TRPC3: variants seen among roughly 807,000 people sequenced by gnomAD.
The protein encoded by TRPC3 is transient receptor potential cation channel subfamily C member 3.
Under a neutral mutation model 90.9 loss-of-function variants are expected in TRPC3, and 54 were observed. That is an observed-to-expected ratio of 0.59 (90% CI 0.48 to 0.75). The LOEUF (loss-of-function observed/expected upper bound fraction) is 0.75. Among genes scored for constraint, TRPC3 ranks in the 30% least tolerant of loss-of-function variants. The pLI is 0.00. For synonymous variants in TRPC3, 424 were observed against 450.9 expected (o/e 0.94, Z 0.75); for missense variants, 918 against 1,194.5 (o/e 0.77, Z 3.41).
chr4:121,911,778 C>T, intron 5 of TRPC3, 99 bp downstream of exon 5: 1 of 1,194,436 alleles, frequency 8.4e-7, no homozygotes, highest in Non-Finnish European at 1.2e-6. Context: ...ATGTTGTCAC[C>T]ATATAAGATA....
chr4:121,901,945 T>C (rs1291756493), intron 9 of TRPC3, among the ~76,000 whole-genome samples: 3 of 152,208 alleles, frequency 2.0e-5, no homozygotes, highest in African/African-American at 4.8e-5. Flanking sequence ...ATTTAAAAGG[T>C]CACTTTCTTA....
Position 121,951,414 on chromosome 4 carries a change from C to G in TRPC3, c.215+52G>C, listed in dbSNP as rs1333425923. 2 of 1,142,436 alleles carry G rather than the reference C, an allele frequency of 1.8e-6. No homozygotes were observed. The highest frequency in any genetic ancestry group is 1.6e-5 in the African/African-American group (1 of 61,202). The allele number at this position is 1,142,436 out of a possible 1,614,324, so 70.8% of individuals were successfully genotyped here. On this transcript the variant is annotated intron_variant, in intron 1 of 11. Transcript: ENST00000379645. This position sits in a 1 kb window ranked among gnomAD's most constrained non-coding sequence, Gnocchi z 4.4. Reference sequence around the variant, plus strand: ...CGCCCGGCGCGCGCCTTCCCGCCCCCCGCCCGGCACCGCCCTCCGAGGCGC... The same window carrying G: ...CGCCCGGCGCGCGCCTTCCCGCCCCGCGCCCGGCACCGCCCTCCGAGGCGC...
intron 3 of TRPC3, 82 bp from the exon 4 acceptor site, chr4:121,915,026 C>T: frequency 1.6e-6 from 2 of 1,217,270 alleles, no homozygotes; most frequent in Non-Finnish European, 2.3e-6. Flanking sequence ...ATTAAATACA[C>T]ATGCATCCTA....
Position 121,925,123 on chromosome 4 carries a change from T to G in TRPC3, c.1071A>C (p.Glu357Asp). ...LDLCRDSEEV[E>D]AILNGDLESA... ...ATTCCAGATCTCCATTCAGAATGGCTTCTACCTCTTCTGAGTCTCGGCAGA... is the reference window on the plus strand; with the variant it reads ...ATTCCAGATCTCCATTCAGAATGGCGTCTACCTCTTCTGAGTCTCGGCAGA... Residue 357 changes from glutamate (E) to aspartate (D), a missense_variant, in exon 3 of 12, where the codon GAA (glutamate) becomes GAC (aspartate). By Grantham distance (45) the Glu-to-Asp change is conservative. This residue lies in a region of TRPC3 where 609 missense variants were observed against 725.9 expected (regional missense o/e 0.84). Coordinates refer to ENST00000379645, the MANE Select transcript of TRPC3 (RefSeq NM_001130698.2). 6.2e-7 allele frequency: 1 copy of G among 1,614,164 alleles called. No individual in the cohort carries two copies. The highest frequency in any genetic ancestry group is 8.5e-7 in the Non-Finnish European group (1 of 1,180,014).
chr4:121,900,908 G>T (rs1364466081), intron 9 of TRPC3, among the ~76,000 whole-genome samples: 1 of 152,116 alleles, frequency 6.6e-6, no homozygotes, highest in African/African-American at 2.4e-5. Context: ...TCTGAGAAAA[G>T]CTATTCTTTC....
Position 121,932,027 on chromosome 4 carries a change from C to T in TRPC3, c.987+244G>A, listed in dbSNP as rs964576464. ...TATTTAATGCTTACCCAACACAGAG[C>T]GGCACCATAATTATAGCTCTCTGAT... On this transcript the variant is annotated intron_variant, in intron 2 of 11. Transcript: ENST00000379645. This position sits in a 1 kb window ranked among gnomAD's most constrained non-coding sequence, Gnocchi z 7.7. 6.6e-5 allele frequency among the ~76,000 whole-genome samples: 10 copies of T among 152,162 alleles called. No individual in the cohort carries two copies. The highest frequency in any genetic ancestry group is 6.5e-5 in the Admixed American group (1 of 15,284).
intron 2 of TRPC3, among the ~76,000 whole-genome samples, chr4:121,929,415 G>A (rs1446296488): frequency 2.0e-5 from 3 of 152,064 alleles, no homozygotes; most frequent in African/African-American, 7.2e-5. Context: ...AAAAAGGTGC[G>A]TCATTGACTC....
At chr4:121,911,792 TAAC>T (rs1381750104) in intron 5 of TRPC3, 82 bp downstream of exon 5, 1 of 1,323,604 alleles carries the variant, frequency 7.6e-7, no homozygotes, top group Non-Finnish European at 1.0e-6. Flanking sequence ...TAAGATATAA[TAAC>T]ATTTTTTTTC....
rs1214246954 is a variant in TRPC3 at position 121,874,610 on chromosome 4, C to T, written c.*5126G>A. ...TTGGCTTATAGATCGTCATCTTCTC[C>T]GTGTCTTCACGTGGTCCTCCCTCTA... On this transcript the variant is annotated 3_prime_UTR_variant, in exon 12 of 12. Coordinates refer to ENST00000379645, the MANE Select transcript of TRPC3 (RefSeq NM_001130698.2). 1.3e-5 allele frequency among the ~76,000 whole-genome samples: 2 copies of T among 152,194 alleles called. No individual in the cohort carries two copies. Among genetic ancestry groups the T allele is most frequent in the Non-Finnish European group, 2.9e-5 (2 of 68,032 alleles).
At chr4:121,947,549 A>G (rs946976986) in intron 1 of TRPC3, among the ~76,000 whole-genome samples, 8 of 152,238 alleles carry the variant, frequency 5.3e-5, no homozygotes, top group Non-Finnish European at 1.0e-4. Context: ...CCTTGATCAT[A>G]TAAAGGTGAG....
At position 121,932,233 on chromosome 4, in the gene TRPC3, G is replaced by C; in HGVS notation, c.987+38C>G. On this transcript the variant is annotated intron_variant, in intron 2 of 11. Coordinates refer to ENST00000379645, the MANE Select transcript of TRPC3 (RefSeq NM_001130698.2). This position sits in a 1 kb window ranked among gnomAD's most constrained non-coding sequence, Gnocchi z 7.7. ...CCAGGCAGCAGCGGGGAAGTTGGGT[G>C]AGCACACAGAGCAGCCGGGGTAGAG... 6.3e-7 allele frequency: 1 copy of C among 1,593,830 alleles called. No individual in the cohort carries two copies. The highest frequency in any genetic ancestry group is 8.6e-7 in the Non-Finnish European group (1 of 1,167,284).
intron 2 of TRPC3, among the ~76,000 whole-genome samples, chr4:121,931,586 T>C (rs1376429048): frequency 6.6e-6 from 1 of 152,220 alleles, no homozygotes; most frequent in African/African-American, 2.4e-5. Context: ...AGCAAATCAC[T>C]TTGCTGTCCT....
chr4:121,911,770 G>T lies in TRPC3; in HGVS notation c.1558+107C>A, dbSNP rs750428059. ...ATTTAGCTTATCTTGCAACAGTGAT[G>T]TTGTCACCATATAAGATATAATAAC... On this transcript the variant is annotated intron_variant, in intron 5 of 11. Coordinates refer to ENST00000379645, the MANE Select transcript of TRPC3 (RefSeq NM_001130698.2). 1.0e-4 allele frequency: 113 copies of T among 1,127,752 alleles called. No homozygotes were observed. In the African/African-American group the frequency reaches 1.6e-3, roughly 16 times the overall value. The allele number at this position is 1,127,752 out of a possible 1,614,324, so 69.9% of individuals were successfully genotyped here.
intron 2 of TRPC3, among the ~76,000 whole-genome samples, chr4:121,926,250 C>T (rs1045845265): frequency 1.3e-5 from 2 of 152,170 alleles, no homozygotes; most frequent in Admixed American, 6.5e-5. Context: ...GGACTGGCTC[C>T]GCCTTTGTTA....
At chr4:121,938,169 T>C (rs1032141910) in intron 1 of TRPC3, among the ~76,000 whole-genome samples, 10 of 152,082 alleles carry the variant, frequency 6.6e-5, no homozygotes, top group Admixed American at 5.2e-4. Flanking sequence ...TCAATAAATA[T>C]CTGTTTAGTT....
intron 6 of TRPC3, among the ~76,000 whole-genome samples, chr4:121,909,436 A>C (rs1312243129): frequency 1.3e-5 from 2 of 152,144 alleles, no homozygotes; most frequent in Admixed American, 1.3e-4. Context: ...AGATTTTACA[A>C]CTATATCCAA....
chr4:121,924,100 GACCA>G (rs1729620287), intron 3 of TRPC3, among the ~76,000 whole-genome samples: 1 of 152,136 alleles, frequency 6.6e-6, no homozygotes, highest in African/African-American at 2.4e-5. Context: ...GCACCTGCAT[GACCA>G]ACTCCTTAGT....
chr4:121,927,303 T>C (rs1057151840), intron 2 of TRPC3, among the ~76,000 whole-genome samples: 8 of 152,236 alleles, frequency 5.3e-5, no homozygotes, highest in Non-Finnish European at 1.0e-4. Context: ...TGGAGCTTTA[T>C]TTCTAGTCCA....
In TRPC3 at chr4:121,875,672, G is replaced by A. The variant is rs1407829521; in HGVS notation, c.*4064C>T. Among the ~76,000 whole-genome samples, 1 of 151,718 alleles carries A rather than the reference G, an allele frequency of 6.6e-6. No individual in the cohort carries two copies. The highest frequency in any genetic ancestry group is 1.9e-4 in the East Asian group (1 of 5,172). On this transcript the variant is annotated 3_prime_UTR_variant, in exon 12 of 12. Transcript: ENST00000379645. The stretch of plus-strand genomic sequence containing the variant: ...GTAATTTATAACCTTATGTTATGGT[G>A]CTAAAGCAACCATTATGAGTATAAG...
Sources: gnomAD v4.1 joint callset for allele counts (sites outside exome capture counted in the v4.1 genomes callset) on GRCh38, gnomAD v4.1.1 for gene constraint, gnomAD v4.1.1 regional missense constraint, Gnocchi (gnomAD v3.1) non-coding constraint, MANE v1.5 for transcripts, NCBI Gene and HGNC (gene_info 2026-07-23, HGNC 2026-07-21) for gene names.